The following LRRTM4 variants were observed in gnomAD, a reference collection of about 807,000 sequenced individuals.
The protein encoded by LRRTM4 is leucine rich repeat transmembrane neuronal 4, also known as leucine-rich repeat transmembrane neuronal protein 4.
In LRRTM4, 25 loss-of-function variants were observed where a neutral mutation model predicts 47.6. The observed-to-expected ratio is 0.53, with a 90% CI of 0.38 to 0.73. The LOEUF (loss-of-function observed/expected upper bound fraction) is 0.73. Ranked by LOEUF, LRRTM4 falls within the 30% of genes least tolerant of loss-of-function variation. The pLI is 0.00. For synonymous variants in LRRTM4, 311 were observed against 269.5 expected (o/e 1.15, Z -1.51); for missense variants, 638 against 713.4 (o/e 0.89, Z 1.20).
intron 3 of LRRTM4, among the ~76,000 whole-genome samples, chr2:77,077,836 A>G (rs1030883934): frequency 4.6e-5 from 7 of 152,208 alleles, no homozygotes; most frequent in African/African-American, 1.2e-4. Flanking sequence ...AGGAGTTTGC[A>G]TTTTGATTAA....
intron 3 of LRRTM4, among the ~76,000 whole-genome samples, chr2:77,305,810 A>G (rs181395967): frequency 1.3e-5 from 2 of 152,194 alleles, no homozygotes; most frequent in Non-Finnish European, 2.9e-5. Flanking sequence ...TATCTATTTT[A>G]TATTTTAATA....
chr2:76,785,552 G>A (rs1426364832), intron 3 of LRRTM4, among the ~76,000 whole-genome samples: 1 of 152,016 alleles, frequency 6.6e-6, no homozygotes, highest in Non-Finnish European at 1.5e-5. Flanking sequence ...CTTGGAAGGT[G>A]TTTCTAGTGT....
At chr2:76,807,980 T>G (rs990739790) in intron 3 of LRRTM4, among the ~76,000 whole-genome samples, 1 of 148,754 alleles carries the variant, frequency 6.7e-6, no homozygotes, top group African/African-American at 2.5e-5. Flanking sequence ...CTTCCTTCCC[T>G]TCTTTCTTTT....
intron 3 of LRRTM4, among the ~76,000 whole-genome samples, chr2:77,312,741 T>C (rs1677492412): frequency 6.6e-6 from 1 of 151,846 alleles, no homozygotes; most frequent in Non-Finnish European, 1.5e-5. Context: ...TCAATAAGCC[T>C]GACCTACACT....
At chr2:77,492,843 G>T (rs1678219592) in intron 3 of LRRTM4, among the ~76,000 whole-genome samples, 1 of 151,954 alleles carries the variant, frequency 6.6e-6, no homozygotes, top group Non-Finnish European at 1.5e-5. Context: ...ATTGAAAATT[G>T]TCCCCTAGAT....
intron 3 of LRRTM4, among the ~76,000 whole-genome samples, chr2:77,110,668 C>T (rs34101243): frequency 1.3e-5 from 2 of 151,726 alleles, no homozygotes; most frequent in Non-Finnish European, 2.9e-5. Context: ...GTGAAATATA[C>T]CATGCAATAT....
In LRRTM4 at chr2:77,519,276, C is replaced by T. The variant is rs1422872769; in HGVS notation, c.593G>A (p.Arg198Gln). 6.2e-7 allele frequency: 1 copy of T among 1,613,392 alleles called. No homozygotes were observed. The highest frequency in any genetic ancestry group is 8.5e-7 in the Non-Finnish European group (1 of 1,179,590). Residue 198 changes from arginine to glutamine, a missense_variant, in exon 3 of 4, where the codon CGA (arginine) becomes CAA (glutamine). By Grantham distance (43) the Arg-to-Gln change is conservative. Transcript: ENST00000409884. This position sits in a 1 kb window ranked among gnomAD's most constrained non-coding sequence, Gnocchi z 4.6. ...CTTCAAGAGGCCAGCAAATGCATTT[C>T]GGGACAAGCTTCGAAGACGATTGTA... ...LGYNRLRSLS[R>Q]NAFAGLLKLK...
intron 3 of LRRTM4, among the ~76,000 whole-genome samples, chr2:77,339,638 G>A (rs946374298): frequency 8.6e-5 from 13 of 152,042 alleles, no homozygotes; most frequent in African/African-American, 3.1e-4. Context: ...AATTTCCAGA[G>A]TCTTAGTCCT....
intron 3 of LRRTM4, among the ~76,000 whole-genome samples, chr2:76,890,422 T>C (rs1673215585): frequency 6.6e-6 from 1 of 152,018 alleles, no homozygotes; most frequent in Non-Finnish European, 1.5e-5. Flanking sequence ...ATTTATGTAA[T>C]TATCAAAAGT....
chr2:77,434,631 T>C (rs1304882095), intron 3 of LRRTM4, among the ~76,000 whole-genome samples: 1 of 152,148 alleles, frequency 6.6e-6, no homozygotes, highest in Non-Finnish European at 1.5e-5. Flanking sequence ...ATAGCTGTAA[T>C]TTATGGAGAA....
chr2:76,817,205 G>A (rs1172937132), intron 3 of LRRTM4, among the ~76,000 whole-genome samples: 3 of 151,864 alleles, frequency 2.0e-5, no homozygotes, highest in African/African-American at 7.2e-5. Flanking sequence ...AGTGCATGCA[G>A]TTGTTTTTAG....
intron 3 of LRRTM4, among the ~76,000 whole-genome samples, chr2:77,049,963 A>T (rs1048096584): frequency 6.6e-6 from 1 of 152,080 alleles, no homozygotes. Context: ...TGAAATGACC[A>T]AAGTTGAGAA....
intron 3 of LRRTM4, among the ~76,000 whole-genome samples, chr2:76,999,818 A>C (rs1677348854): frequency 6.6e-6 from 1 of 152,150 alleles, no homozygotes; most frequent in African/African-American, 2.4e-5. Context: ...AGTCATTTTG[A>C]ACAATTATAT....
At chr2:77,167,330 G>A (rs180825672) in intron 3 of LRRTM4, among the ~76,000 whole-genome samples, 371 of 152,182 alleles carry the variant, frequency 2.4e-3, no homozygotes, top group Non-Finnish European at 4.0e-3. Flanking sequence ...ATGGAGAAAT[G>A]GGAACACTAT....
intron 3 of LRRTM4, among the ~76,000 whole-genome samples, chr2:77,332,925 C>T (rs944611320): frequency 1.3e-5 from 2 of 152,258 alleles, no homozygotes; most frequent in African/African-American, 2.4e-5. Flanking sequence ...ACAATTCCCA[C>T]GTGTCATGGG....
At chr2:77,103,984 A>G (rs1224396382) in intron 3 of LRRTM4, among the ~76,000 whole-genome samples, 1 of 152,112 alleles carries the variant, frequency 6.6e-6, no homozygotes, top group Non-Finnish European at 1.5e-5. Context: ...CAATCATTCA[A>G]CTGACTATTT....
At chr2:77,424,536 C>T (rs1675032734) in intron 3 of LRRTM4, among the ~76,000 whole-genome samples, 1 of 152,084 alleles carries the variant, frequency 6.6e-6, no homozygotes, top group Admixed American at 6.5e-5. Context: ...TGATTTTTAA[C>T]CAAAACCACT....
chr2:77,219,888 G>C (rs1408839804), intron 3 of LRRTM4, among the ~76,000 whole-genome samples: 1 of 152,150 alleles, frequency 6.6e-6, no homozygotes, highest in Non-Finnish European at 1.5e-5. Context: ...CTTGAGATCT[G>C]AGAACAGGCA....
intron 3 of LRRTM4, among the ~76,000 whole-genome samples, chr2:76,816,683 C>T (rs967614197): frequency 6.6e-6 from 1 of 151,866 alleles, no homozygotes. Context: ...CTGGATCAAC[C>T]TTACTGAATT....
Sources: gnomAD v4.1 joint callset for allele counts (sites outside exome capture counted in the v4.1 genomes callset) on GRCh38, gnomAD v4.1.1 for gene constraint, Gnocchi (gnomAD v3.1) non-coding constraint, MANE v1.5 for transcripts, NCBI Gene and HGNC (gene_info 2026-07-23, HGNC 2026-07-21) for gene names.